DGKB: variants seen among roughly 807,000 people sequenced by gnomAD.
The protein encoded by DGKB is diacylglycerol kinase beta, also known as 90 kDa diacylglycerol kinase.
In DGKB, 67 loss-of-function variants were observed where a neutral mutation model predicts 114.3. The ratio of observed to expected loss-of-function variants is 0.59; its 90% CI spans 0.48 to 0.72. The LOEUF (loss-of-function observed/expected upper bound fraction) is 0.72. DGKB is among the 30% of genes least tolerant of loss of function. The pLI is 0.00. For missense variants in DGKB, 907 were observed against 975.2 expected, an observed-to-expected ratio of 0.93 and a Z score of 0.93; for synonymous variants, 398 against 323.1, an observed-to-expected ratio of 1.23 and a Z score of -2.49.
chr7:14,273,384 G>A (rs953564903), intron 23 of DGKB, among the ~76,000 whole-genome samples: 2 of 151,878 alleles, frequency 1.3e-5, no homozygotes, highest in African/African-American at 2.4e-5. Flanking sequence ...AGAAAGAAAA[G>A]AAAGGTCTGA....
At chr7:14,336,438 T>C (rs1181243531) in intron 23 of DGKB, among the ~76,000 whole-genome samples, 1 of 152,192 alleles carries the variant, frequency 6.6e-6, no homozygotes, top group Non-Finnish European at 1.5e-5. Context: ...TACTTCTGTT[T>C]TTGCTCATAG....
intron 12 of DGKB, among the ~76,000 whole-genome samples, chr7:14,679,866 T>G (rs939782507): frequency 6.6e-6 from 1 of 152,050 alleles, no homozygotes; most frequent in African/African-American, 2.4e-5. Flanking sequence ...AAATATATCC[T>G]GTTTAACCAA....
chr7:14,471,931 C>T (rs1362194543), intron 21 of DGKB, among the ~76,000 whole-genome samples: 3 of 152,080 alleles, frequency 2.0e-5, no homozygotes, highest in Admixed American at 6.6e-5. Flanking sequence ...AAATCACATA[C>T]TTCTGACCAG....
At chr7:14,531,096 A>C (rs1563419520) in intron 20 of DGKB, among the ~76,000 whole-genome samples, 1 of 151,524 alleles carries the variant, frequency 6.6e-6, no homozygotes, top group Non-Finnish European at 1.5e-5. Flanking sequence ...CTCCAAATAC[A>C]CTTATCTATT....
At chr7:14,396,794 ACTAT>A in intron 21 of DGKB, among the ~76,000 whole-genome samples, 1 of 152,186 alleles carries the variant, frequency 6.6e-6, no homozygotes, top group East Asian at 1.9e-4. Context: ...ATGCTATGTG[ACTAT>A]CTACTGAGTT....
intron 20 of DGKB, among the ~76,000 whole-genome samples, chr7:14,486,189 T>C (rs528793285): frequency 2.0e-5 from 3 of 152,294 alleles, no homozygotes; most frequent in East Asian, 1.9e-4. Context: ...CATTTTCCCA[T>C]TGTCCCTCCC....
Position 14,147,023 on chromosome 7 carries a change from G to A in DGKB, c.*2108C>T, listed in dbSNP as rs1781548597. On this transcript the variant is annotated 3_prime_UTR_variant, in exon 26 of 26. Coordinates refer to ENST00000402815, the MANE Select transcript of DGKB (RefSeq NM_001350709.2). ...TGTTGTAGCGAACATAAAATAATTT[G>A]TGGCTTCAAAATATGTTTTTGACAC... The A allele has an allele frequency of 6.6e-6, 1 of 152,102 alleles. No individual in the cohort carries two copies. The highest frequency in any genetic ancestry group is 2.4e-5 in the African/African-American group (1 of 41,432). 9.4% of individuals were successfully genotyped at this position (152,102 alleles called of 1,614,324 possible). A position where few individuals can be genotyped will look rare whatever the true frequency, so the allele number is the denominator to read the frequency against.
intron 1 of DGKB, among the ~76,000 whole-genome samples, chr7:14,848,027 T>C (rs1253846733): frequency 1.3e-5 from 2 of 152,236 alleles, no homozygotes; most frequent in African/African-American, 4.8e-5. Context: ...TTGTCATAAG[T>C]AAATTATGAA....
chr7:14,776,975 C>T (rs1203197889), intron 2 of DGKB, among the ~76,000 whole-genome samples: 1 of 152,176 alleles, frequency 6.6e-6, no homozygotes, highest in South Asian at 2.1e-4. Flanking sequence ...GGTGGAGATT[C>T]CCAAGGCTCT....
At chr7:14,689,265 G>C (rs190838745) in intron 9 of DGKB, among the ~76,000 whole-genome samples, 3,195 of 143,152 alleles carry the variant, frequency 0.022, 109 homozygotes, top group African/African-American at 0.078. Context: ...GAGGGCAGTG[G>C]CGCGATCTCG....
chr7:14,706,978 G>A (rs1158174846), intron 6 of DGKB, among the ~76,000 whole-genome samples: 4 of 149,386 alleles, frequency 2.7e-5, no homozygotes, highest in Non-Finnish European at 4.4e-5. Flanking sequence ...GAGCAGAACT[G>A]AAGGAAATAG....
chr7:14,567,600 T>C (rs1278816622), intron 20 of DGKB, among the ~76,000 whole-genome samples: 1 of 118,444 alleles, frequency 8.4e-6, no homozygotes, highest in Non-Finnish European at 1.7e-5. Context: ...TAAAGATATA[T>C]ATATATATAT....
chr7:14,901,605 A>AACCCCCCCCCC (rs1562855781), intron 1 of DGKB, among the ~76,000 whole-genome samples: 2 of 123,094 alleles, frequency 1.6e-5, no homozygotes, highest in African/African-American at 3.1e-5. Context: ...AGGGATTTCC[A>AACCCCCCCCCC]CCCCCCCCCA....
chr7:14,750,941 C>A (rs957026779), intron 4 of DGKB, among the ~76,000 whole-genome samples: 1 of 151,386 alleles, frequency 6.6e-6, no homozygotes, highest in Non-Finnish European at 1.5e-5. Flanking sequence ...GTATCTGAGA[C>A]TACAGGCGCT....
At chr7:14,572,371 G>C (rs1189355985) in intron 20 of DGKB, among the ~76,000 whole-genome samples, 2 of 151,258 alleles carry the variant, frequency 1.3e-5, no homozygotes, top group African/African-American at 4.9e-5. Context: ...AGAATGTCGT[G>C]AACCCAGGAG....
chr7:14,846,041 A>G (rs1848583551), intron 1 of DGKB, among the ~76,000 whole-genome samples: 1 of 152,220 alleles, frequency 6.6e-6, no homozygotes, highest in Non-Finnish European at 1.5e-5. Flanking sequence ...ATCAATATCT[A>G]ACAAAAACAC....
chr7:14,717,978 T>A (rs1173988596), intron 6 of DGKB, among the ~76,000 whole-genome samples: 1 of 152,184 alleles, frequency 6.6e-6, no homozygotes, highest in Non-Finnish European at 1.5e-5. Flanking sequence ...AAATTCTCTA[T>A]CCGCCATGTC....
intron 21 of DGKB, among the ~76,000 whole-genome samples, chr7:14,442,992 C>T (rs1379518485): frequency 6.6e-6 from 1 of 152,106 alleles, no homozygotes; most frequent in Non-Finnish European, 1.5e-5. Flanking sequence ...CCTGATAATT[C>T]TTGAAACATA....
intron 23 of DGKB, among the ~76,000 whole-genome samples, chr7:14,328,119 ATTC>A (rs1210825125): frequency 2.0e-5 from 3 of 152,212 alleles, no homozygotes; most frequent in Admixed American, 6.5e-5. Context: ...ATCTCTTACT[ATTC>A]TTCTAACAGG....
Sources: gnomAD v4.1 joint callset for allele counts (sites outside exome capture counted in the v4.1 genomes callset) on GRCh38, gnomAD v4.1.1 for gene constraint, MANE v1.5 for transcripts, NCBI Gene and HGNC (gene_info 2026-07-23, HGNC 2026-07-21) for gene names.